DPP10: variants seen among roughly 807,000 people sequenced by gnomAD.
The protein encoded by DPP10 is inactive dipeptidyl peptidase 10.
In DPP10, 33 loss-of-function variants were observed where a neutral mutation model predicts 120.9. The observed-to-expected ratio is 0.27, with a 90% CI of 0.21 to 0.37. DPP10 has a LOEUF of 0.37. Ranked by LOEUF, DPP10 falls within the 10% of genes least tolerant of loss-of-function variation. DPP10 has a pLI of 1.00. For missense variants in DPP10, 816 were observed against 942.8 expected (o/e 0.87, Z 1.76); for synonymous variants, 337 against 326.1 (o/e 1.03, Z -0.36).
chr2:115,340,328 A>G (rs974727784), intron 2 of DPP10, among the ~76,000 whole-genome samples: 1 of 152,154 alleles, frequency 6.6e-6, no homozygotes, highest in African/African-American at 2.4e-5. Context: ...CAAACTATAT[A>G]TACTTTGCAC....
intron 1 of DPP10, among the ~76,000 whole-genome samples, chr2:115,146,292 T>A (rs1364328195): frequency 6.6e-6 from 1 of 152,048 alleles, no homozygotes; most frequent in Admixed American, 6.6e-5. Context: ...TGGGTGTGGA[T>A]CTGGAGTGGG....
At chr2:114,711,015 A>G (rs1700993588) in intron 1 of DPP10, among the ~76,000 whole-genome samples, 1 of 152,208 alleles carries the variant, frequency 6.6e-6, no homozygotes, top group Non-Finnish European at 1.5e-5. Context: ...CAAAAGCTGA[A>G]CACAGTTATT....
At chr2:115,775,993 T>C (rs1317228958) in intron 13 of DPP10, among the ~76,000 whole-genome samples, 1 of 152,176 alleles carries the variant, frequency 6.6e-6, no homozygotes, top group Non-Finnish European at 1.5e-5. Flanking sequence ...AGGGAACTTC[T>C]TTAAGGTGAT....
At chr2:115,443,200 A>G (rs953147440) in intron 3 of DPP10, among the ~76,000 whole-genome samples, 1 of 152,174 alleles carries the variant, frequency 6.6e-6, no homozygotes, top group Admixed American at 6.6e-5. Context: ...TGAATTCTTA[A>G]AAGCTTACCA....
chr2:115,088,750 C>CA (rs70941027), intron 1 of DPP10, among the ~76,000 whole-genome samples: 3,256 of 65,002 alleles, frequency 0.05, 355 homozygotes, highest in African/African-American at 0.17. Context: ...CTGTGCCTGA[C>CA]AAAAAAAAAA....
At chr2:115,495,096 A>G (rs2076322477) in intron 3 of DPP10, among the ~76,000 whole-genome samples, 1 of 152,140 alleles carries the variant, frequency 6.6e-6, no homozygotes, top group African/African-American at 2.4e-5. Flanking sequence ...TATAATAGTC[A>G]GAAAAGACAA....
chr2:115,534,152 C>A (rs1305231091), intron 5 of DPP10, among the ~76,000 whole-genome samples: 1 of 151,328 alleles, frequency 6.6e-6, no homozygotes, highest in Non-Finnish European at 1.5e-5. Flanking sequence ...GGTACATGTG[C>A]ACAATGTGCA....
intron 5 of DPP10, among the ~76,000 whole-genome samples, chr2:115,680,290 A>G (rs187208484): frequency 4.6e-5 from 7 of 152,150 alleles, no homozygotes; most frequent in African/African-American, 1.7e-4. Context: ...TTAAGTAGTC[A>G]ATATTTAGAG....
At chr2:115,618,131 AG>A (rs1309623582) in intron 5 of DPP10, among the ~76,000 whole-genome samples, 1 of 152,208 alleles carries the variant, frequency 6.6e-6, no homozygotes, top group Non-Finnish European at 1.5e-5. Context: ...AACTGCGGAA[AG>A]CAAAACCAAG....
chr2:114,622,397 T>C (rs1173967214), intron 1 of DPP10, among the ~76,000 whole-genome samples: 5 of 145,476 alleles, frequency 3.4e-5, no homozygotes, highest in Non-Finnish European at 7.5e-5. Context: ...TCCATCCCCA[T>C]CCATCTATCT....
At chr2:115,759,281 A>G (rs941460401) in intron 11 of DPP10, among the ~76,000 whole-genome samples, 4 of 152,072 alleles carry the variant, frequency 2.6e-5, no homozygotes, top group Admixed American at 6.6e-5. Context: ...ACATTTGGTC[A>G]GGTATGGTGG....
intron 19 of DPP10, among the ~76,000 whole-genome samples, chr2:115,810,959 T>A (rs1686579099): frequency 6.6e-6 from 1 of 152,214 alleles, no homozygotes; most frequent in Non-Finnish European, 1.5e-5. Context: ...ATAGATGATT[T>A]GTCTTTAGTA....
chr2:114,997,295 C>A (rs1197040870), intron 1 of DPP10, among the ~76,000 whole-genome samples: 2 of 147,130 alleles, frequency 1.4e-5, no homozygotes, highest in Non-Finnish European at 3.0e-5. Context: ...AGAGACCATC[C>A]TGGTCAACAT....
At chr2:114,796,351 G>A (rs2106259936) in intron 1 of DPP10, among the ~76,000 whole-genome samples, 1 of 152,174 alleles carries the variant, frequency 6.6e-6, no homozygotes, top group Middle Eastern at 3.4e-3. Context: ...AATTCATTTT[G>A]TAAACAATGT....
intron 1 of DPP10, among the ~76,000 whole-genome samples, chr2:115,159,265 C>T (rs10469804): frequency 1.5e-3 from 226 of 152,106 alleles, no homozygotes; most frequent in African/African-American, 5.1e-3. Context: ...GAGACAATGC[C>T]GGCTAACACG....
intron 1 of DPP10, among the ~76,000 whole-genome samples, chr2:114,554,831 A>G (rs1688160969): frequency 6.6e-6 from 1 of 152,158 alleles, no homozygotes; most frequent in South Asian, 2.1e-4. Context: ...ATGCACGGAC[A>G]TTTGCTTTTC....
chr2:115,620,785 G>A (rs1326999124), intron 5 of DPP10, among the ~76,000 whole-genome samples: 1 of 152,172 alleles, frequency 6.6e-6, no homozygotes, highest in Non-Finnish European at 1.5e-5. Context: ...GAAGAATATA[G>A]TACTAAGGCA....
intron 1 of DPP10, among the ~76,000 whole-genome samples, chr2:114,802,727 C>A (rs926183669): frequency 2.6e-5 from 4 of 152,114 alleles, no homozygotes; most frequent in African/African-American, 9.7e-5. Context: ...TCTTAGTTTT[C>A]CTTGTACATT....
intron 5 of DPP10, among the ~76,000 whole-genome samples, chr2:115,563,229 C>A (rs987977711): frequency 6.6e-6 from 1 of 152,094 alleles, no homozygotes; most frequent in Non-Finnish European, 1.5e-5. Flanking sequence ...TTTTTCCTAA[C>A]CCTGACTCAT....
Sources: allele counts gnomAD v4.1 joint callset (sites outside exome capture counted in the v4.1 genomes callset), GRCh38; gene constraint gnomAD v4.1.1; transcripts MANE v1.5; gene names NCBI Gene and HGNC (gene_info 2026-07-23, HGNC 2026-07-21).